ENTREP1: variants seen among roughly 807,000 people sequenced by gnomAD.
ENTREP1 encodes endosomal transmembrane epsin interactor 1.
At chr9:69,370,841 A>G in the ENTREP1 span, among the ~76,000 whole-genome samples, 4 of 152,156 alleles carry the variant, frequency 2.6e-5, no homozygotes, top group Admixed American at 6.5e-5. Flanking sequence ...TGATTTTCTT[A>G]ATAATCATGG....
chr9:69,340,903 A>G, the ENTREP1 span, among the ~76,000 whole-genome samples: 3 of 152,188 alleles, frequency 2.0e-5, no homozygotes, highest in Non-Finnish European at 4.4e-5. Context: ...TTTCTTCTAG[A>G]CATCATTCCT....
the ENTREP1 span, chr9:69,386,172 A>G: frequency 2.7e-6 from 1 of 367,600 alleles, no homozygotes; most frequent in Non-Finnish European, 4.7e-6. Flanking sequence ...TTTTAAAGTC[A>G]TTGTCATCAA....
chr9:69,370,773 C>T, the ENTREP1 span, among the ~76,000 whole-genome samples: 10 of 152,246 alleles, frequency 6.6e-5, no homozygotes, highest in African/African-American at 1.9e-4. Flanking sequence ...TTTGTTCTAA[C>T]GCTGATAATT....
the ENTREP1 span, among the ~76,000 whole-genome samples, chr9:69,340,805 G>GTGCA: frequency 3.8e-5 from 2 of 52,982 alleles, no homozygotes; most frequent in East Asian, 8.9e-4. Context: ...GTGTGCATGT[G>GTGCA]TGTGTGTATG....
At chr9:69,390,676 G>T in the ENTREP1 span, among the ~76,000 whole-genome samples, 1 of 152,194 alleles carries the variant, frequency 6.6e-6, no homozygotes, top group African/African-American at 2.4e-5. Context: ...GTCTCCGTCT[G>T]TCACCCAGGC....
the ENTREP1 span, among the ~76,000 whole-genome samples, chr9:69,352,112 T>C: frequency 6.6e-6 from 1 of 152,130 alleles, no homozygotes; most frequent in South Asian, 2.1e-4. Flanking sequence ...CTTTTTTGTA[T>C]TGTTAGATTT....
chr9:69,330,095 C>G, the ENTREP1 span, among the ~76,000 whole-genome samples: 5 of 138,416 alleles, frequency 3.6e-5, no homozygotes, highest in African/African-American at 1.4e-4. Context: ...CTAGGTTCCA[C>G]TGGGTTTAAT....
the ENTREP1 span, among the ~76,000 whole-genome samples, chr9:69,363,873 G>A: frequency 2.0e-5 from 3 of 152,202 alleles, no homozygotes; most frequent in African/African-American, 7.2e-5. Flanking sequence ...CTGTGGCAGG[G>A]CAAACAGGAG....
chr9:69,391,690 C>A, the ENTREP1 span: 1,055 of 1,614,116 alleles, frequency 6.5e-4, no homozygotes, highest in Non-Finnish European at 8.2e-4. Context: ...AGAGCTGCGG[C>A]GACCTTCACA....
At chr9:69,352,485 A>C in the ENTREP1 span, among the ~76,000 whole-genome samples, 3 of 152,166 alleles carry the variant, frequency 2.0e-5, no homozygotes, top group East Asian at 5.8e-4. Flanking sequence ...TAAAGGCTAG[A>C]TTGGTAATAT....
chr9:69,383,969 A>G, the ENTREP1 span: 1 of 1,613,784 alleles, frequency 6.2e-7, no homozygotes, highest in Non-Finnish European at 8.5e-7. Context: ...CAAATGTCAG[A>G]AGGATCAGAA....
At chr9:69,334,775 CTTTTT>C in the ENTREP1 span, among the ~76,000 whole-genome samples, 5 of 130,588 alleles carry the variant, frequency 3.8e-5, no homozygotes, top group African/African-American at 8.5e-5. Context: ...CTTTCCTTTT[CTTTTT>C]TTTTTTTTTT....
the ENTREP1 span, among the ~76,000 whole-genome samples, chr9:69,388,934 C>T: frequency 2.0e-5 from 3 of 152,196 alleles, no homozygotes; most frequent in Non-Finnish European, 4.4e-5. Context: ...AGGGAATAAG[C>T]ACCTTTTCTT....
chr9:69,351,052 G>C, the ENTREP1 span, among the ~76,000 whole-genome samples: 2 of 152,170 alleles, frequency 1.3e-5, no homozygotes, highest in African/African-American at 4.8e-5. Flanking sequence ...GAAGATTGCT[G>C]GGATAGATAC....
At chr9:69,366,833 A>G in the ENTREP1 span, among the ~76,000 whole-genome samples, 2 of 151,870 alleles carry the variant, frequency 1.3e-5, no homozygotes, top group South Asian at 4.2e-4. Context: ...CCTCTGTTAA[A>G]ACTCAGTTGG....
At chr9:69,370,850 G>A in the ENTREP1 span, among the ~76,000 whole-genome samples, 1 of 151,988 alleles carries the variant, frequency 6.6e-6, no homozygotes, top group Admixed American at 6.6e-5. Context: ...TAATAATCAT[G>A]GCTCTCAAGT....
chr9:69,387,767 C>G, the ENTREP1 span: 1 of 555,550 alleles, frequency 1.8e-6, no homozygotes, highest in Non-Finnish European at 2.8e-6. Context: ...TTGACTACTT[C>G]ATCCTCGCTC....
At chr9:69,388,537 A>G in the ENTREP1 span, 3 of 1,043,010 alleles carry the variant, frequency 2.9e-6, no homozygotes, top group Non-Finnish European at 4.1e-6. Flanking sequence ...TGTCCAAGGC[A>G]GAGTAAGTTC....
chr9:69,356,427 C>A, the ENTREP1 span, among the ~76,000 whole-genome samples: 1 of 152,162 alleles, frequency 6.6e-6, no homozygotes, highest in Non-Finnish European at 1.5e-5. Context: ...TGTTGGCCAT[C>A]TTTGGAGATT....
Sources: gnomAD v4.1 joint callset for allele counts (sites outside exome capture counted in the v4.1 genomes callset) on GRCh38, gnomAD v4.1.1 for gene constraint, MANE v1.5 for transcripts, NCBI Gene and HGNC (gene_info 2026-07-23, HGNC 2026-07-21) for gene names.